The following PRKCH variants were observed in gnomAD, a reference collection of about 807,000 sequenced individuals.
The protein encoded by PRKCH is protein kinase C eta, also known as protein kinase C eta type.
A neutral mutation model predicts 82.5 loss-of-function variants in PRKCH; 28 were observed. That is an observed-to-expected ratio of 0.34 (90% CI 0.25 to 0.47). PRKCH has a LOEUF of 0.47. PRKCH is among the 20% of genes least tolerant of loss of function. The pLI is 1.00. For synonymous variants in PRKCH, 322 were observed against 327.4 expected, an observed-to-expected ratio of 0.98 and a Z score of 0.18; for missense variants, 705 against 881.8, an observed-to-expected ratio of 0.80 and a Z score of 2.54.
At chr14:61,311,213 C>T (rs543066873) in intron 1 of PRKCH, among the ~76,000 whole-genome samples, 1 of 152,352 alleles carries the variant, frequency 6.6e-6, no homozygotes, top group African/African-American at 2.4e-5. Context: ...CTGTGGCCAG[C>T]TTGAATTTCC....
intron 3 of PRKCH, among the ~76,000 whole-genome samples, chr14:61,445,289 C>T (rs1336846748): frequency 1.3e-5 from 2 of 152,226 alleles, no homozygotes; most frequent in Non-Finnish European, 2.9e-5. Context: ...GCGGTAGACT[C>T]ATCTGTGCAC....
chr14:61,336,867 G>A (rs868087002), intron 1 of PRKCH, among the ~76,000 whole-genome samples: 20 of 151,978 alleles, frequency 1.3e-4, no homozygotes, highest in African/African-American at 4.3e-4. Context: ...TCTGGAGTTC[G>A]AGACCAACCT....
At chr14:61,466,502 A>AG (rs939325504) in intron 9 of PRKCH, among the ~76,000 whole-genome samples, 1 of 151,872 alleles carries the variant, frequency 6.6e-6, no homozygotes, top group South Asian at 2.1e-4. Flanking sequence ...AACAAAGACT[A>AG]GGGGGTGAGG....
chr14:61,454,863 T>A (rs1171909588), intron 7 of PRKCH, among the ~76,000 whole-genome samples: 1 of 152,120 alleles, frequency 6.6e-6, no homozygotes, highest in Non-Finnish European at 1.5e-5. Context: ...TGTAGCTTGG[T>A]GTCCAGTTCA....
At chr14:61,250,691 A>G (rs1340901955) in intron 1 of PRKCH, among the ~76,000 whole-genome samples, 1 of 152,276 alleles carries the variant, frequency 6.6e-6, no homozygotes, top group African/African-American at 2.4e-5. Flanking sequence ...AATTTGTCCA[A>G]ACTCATAGAA....
rs779945221 is a variant in PRKCH at position 61,550,603 on chromosome 14, T to C, written c.*772T>C. On this transcript the variant is annotated 3_prime_UTR_variant, in exon 14 of 14. Coordinates refer to ENST00000332981, the MANE Select transcript of PRKCH (RefSeq NM_006255.5). Reference sequence around the variant, plus strand: ...CATTCTGTGAAATGCCTCTCCACGTTGCATATGTCACACTTTTGTCTGCAC... The same window carrying C: ...CATTCTGTGAAATGCCTCTCCACGTCGCATATGTCACACTTTTGTCTGCAC... The C allele has an allele frequency of 1.3e-5, 2 of 152,684 alleles. No homozygotes were observed. Among genetic ancestry groups the C allele is most frequent in the East Asian group, 1.9e-4 (1 of 5,202 alleles). The allele number at this position is 152,684 out of a possible 1,614,324, so 9.5% of individuals were successfully genotyped here. A position where few individuals can be genotyped will look rare whatever the true frequency, so the allele number is the denominator to read the frequency against.
At chr14:61,353,931 T>C (rs1294237841) in intron 1 of PRKCH, 1 of 152,076 alleles carries the variant, frequency 6.6e-6, no homozygotes, top group Non-Finnish European at 1.5e-5. Flanking sequence ...AGTGAGACCC[T>C]ACCTCTGAAA....
chr14:61,279,794 C>T, intron 1 of PRKCH: 1 of 403,974 alleles, frequency 2.5e-6, no homozygotes, highest in Non-Finnish European at 4.5e-6. Context: ...TAGGAGTCTC[C>T]ATAGGGATCC....
rs1354131101 is a variant in PRKCH, at chr14:61,447,306, A to T, written c.613+1580A>T. Among the ~76,000 whole-genome samples, 4 of 152,192 alleles carry T rather than the reference A, an allele frequency of 2.6e-5. No individual in the cohort carries two copies. In the East Asian group the frequency reaches 7.7e-4, roughly 29 times the overall value. ...ACAGGAATCAAAATACATGGGACAA[A>T]CTGATAGAATCACAAGGAAAAATGA... On this transcript the variant is annotated intron_variant, in intron 4 of 13. Coordinates refer to ENST00000332981, the MANE Select transcript of PRKCH (RefSeq NM_006255.5).
At chr14:61,254,823 C>A (rs550082433) in intron 1 of PRKCH, among the ~76,000 whole-genome samples, 4 of 152,292 alleles carry the variant, frequency 2.6e-5, no homozygotes, top group Admixed American at 2.0e-4. Flanking sequence ...AATTTCAAAT[C>A]TCTTTTCTAG....
intron 9 of PRKCH, among the ~76,000 whole-genome samples, chr14:61,468,399 C>T (rs1315766526): frequency 6.6e-6 from 1 of 152,124 alleles, no homozygotes; most frequent in Non-Finnish European, 1.5e-5. Flanking sequence ...GACTTTGGGG[C>T]CAACATATGT....
chr14:61,366,081 T>C (rs552537859), intron 1 of PRKCH, among the ~76,000 whole-genome samples: 1 of 152,198 alleles, frequency 6.6e-6, no homozygotes, highest in African/African-American at 2.4e-5. Flanking sequence ...TGATGATGTG[T>C]TACCTCCCAG....
At chr14:61,286,612 A>G (rs1017553517) in intron 1 of PRKCH, among the ~76,000 whole-genome samples, 4 of 151,930 alleles carry the variant, frequency 2.6e-5, no homozygotes, top group Non-Finnish European at 5.9e-5. Flanking sequence ...CTCCGTCTCT[A>G]CTAAAAATAC....
chr14:61,489,742 A>G (rs1393462344), intron 10 of PRKCH, among the ~76,000 whole-genome samples: 1 of 152,214 alleles, frequency 6.6e-6, no homozygotes, highest in Non-Finnish European at 1.5e-5. Flanking sequence ...GTGCTCATGA[A>G]TAATTTACTC....
intron 2 of PRKCH, among the ~76,000 whole-genome samples, chr14:61,412,322 A>C (rs1211299068): frequency 6.6e-6 from 1 of 152,218 alleles, no homozygotes; most frequent in Non-Finnish European, 1.5e-5. Context: ...TGTCTTTAAA[A>C]AGACAAGTAG....
chr14:61,430,270 A>G (rs1883319566), intron 2 of PRKCH, among the ~76,000 whole-genome samples: 1 of 152,230 alleles, frequency 6.6e-6, no homozygotes, highest in East Asian at 1.9e-4. Flanking sequence ...ACAATGAGAT[A>G]CCACTAGAAA....
At chr14:61,380,438 A>G (rs1594641874) in intron 1 of PRKCH, among the ~76,000 whole-genome samples, 4 of 151,864 alleles carry the variant, frequency 2.6e-5, no homozygotes, top group African/African-American at 9.6e-5. Flanking sequence ...TCCTGGTGCT[A>G]TACCAAGAGT....
chr14:61,280,488 G>A lies in PRKCH; in HGVS notation c.-19+92820G>A. 1.2e-6 allele frequency: 2 copies of A among 1,613,102 alleles called. No individual in the cohort carries two copies. The highest frequency in any genetic ancestry group is 1.7e-6 in the Non-Finnish European group (2 of 1,179,636). ...AGTTGGGCGGGGGCGCCGTGCCCTG[G>A]AAGGCCAACGCCAGGCTGCCGTTGA... is the stretch of plus-strand genomic sequence containing the variant. On this transcript the variant is annotated intron_variant, in intron 1 of 3. Coordinates refer to the PRKCH transcript ENST00000555185. This position sits in a 1 kb window ranked among gnomAD's most constrained non-coding sequence, Gnocchi z 5.0.
At chr14:61,433,542 G>C (rs1409014307) in intron 2 of PRKCH, among the ~76,000 whole-genome samples, 2 of 152,096 alleles carry the variant, frequency 1.3e-5, no homozygotes, top group African/African-American at 4.8e-5. Flanking sequence ...CTGGGGTGGG[G>C]GTAGAGAGAA....
Sources: allele counts gnomAD v4.1 joint callset (sites outside exome capture counted in the v4.1 genomes callset), GRCh38; gene constraint gnomAD v4.1.1; non-coding constraint Gnocchi (gnomAD v3.1); transcripts MANE v1.5; gene names NCBI Gene and HGNC (gene_info 2026-07-23, HGNC 2026-07-21).